PAH: variants seen among roughly 807,000 people sequenced by gnomAD.
PAH encodes the protein phenylalanine hydroxylase.
A neutral mutation model predicts 62.0 loss-of-function variants in PAH; 64 were observed. The observed-to-expected ratio is 1.03, with a 90% confidence interval of 0.84 to 1.27. PAH has a LOEUF of 1.27. PAH is among the 50% of genes most tolerant of loss of function. The pLI, the probability that PAH is intolerant of heterozygous loss-of-function variation, is 0.00. For synonymous variants in PAH, 195 were observed against 196.2 expected (o/e 0.99, Z 0.05); for missense variants, 579 against 542.8 (o/e 1.07, Z -0.66).
chr12:102,937,945 A>T (rs1285207728), intron 1 of PAH, among the ~76,000 whole-genome samples: 1 of 152,128 alleles, frequency 6.6e-6, no homozygotes, highest in Non-Finnish European at 1.5e-5. Context: ...TGGATATACT[A>T]CTCTAGGATA....
intron 4 of PAH, among the ~76,000 whole-genome samples, chr12:102,876,380 TCA>T (rs1876565156): frequency 6.6e-6 from 1 of 152,220 alleles, no homozygotes; most frequent in Non-Finnish European, 1.5e-5. Context: ...CTCTCAGGAC[TCA>T]CAGTTTAGCA....
At chr12:102,841,490 C>T (rs1344582556) in intron 11 of PAH, among the ~76,000 whole-genome samples, 1 of 152,096 alleles carries the variant, frequency 6.6e-6, no homozygotes, top group East Asian at 1.9e-4. Flanking sequence ...ACCATGGGCA[C>T]AGGGGACCAC....
chr12:102,871,861 G>T (rs1019604947), intron 4 of PAH, among the ~76,000 whole-genome samples: 4 of 149,482 alleles, frequency 2.7e-5, no homozygotes, highest in Non-Finnish European at 4.4e-5. Flanking sequence ...GGCAGAGGTT[G>T]CAGTGAGCTG....
intron 3 of PAH, among the ~76,000 whole-genome samples, chr12:102,893,973 T>C (rs1391805053): frequency 6.6e-6 from 1 of 152,142 alleles, no homozygotes; most frequent in Non-Finnish European, 1.5e-5. Flanking sequence ...GATAAGAAGA[T>C]GGAAAATGAC....
intron 2 of PAH, among the ~76,000 whole-genome samples, chr12:102,910,387 TG>T (rs377282976): frequency 0.059 from 8,758 of 149,336 alleles, 295 homozygotes; most frequent in Admixed American, 0.11. Context: ...TTTTTTTTTT[TG>T]GGGAGGGAGT....
intron 3 of PAH, among the ~76,000 whole-genome samples, chr12:102,883,493 G>A (rs927568856): frequency 6.6e-6 from 1 of 152,120 alleles, no homozygotes; most frequent in Non-Finnish European, 1.5e-5. Context: ...CAGCCCTCTT[G>A]GTAGGAGAAA....
At chr12:102,847,234 G>A in intron 8 of PAH, 9 of 464,064 alleles carry the variant, frequency 1.9e-5, no homozygotes, top group South Asian at 1.8e-4. Context: ...TCACAGGGTC[G>A]GTTAGTATCT....
chr12:102,846,779 C>T, intron 9 of PAH, 116 bp downstream of exon 9: 2 of 809,394 alleles, frequency 2.5e-6, no homozygotes, highest in South Asian at 2.8e-5. Flanking sequence ...TAACCCACCA[C>T]ATTCTGATTT....
intron 8 of PAH, 47 bp downstream of exon 8, chr12:102,851,640 T>G (rs2136644734): frequency 6.0e-6 from 9 of 1,510,350 alleles, no homozygotes; most frequent in Non-Finnish European, 8.3e-6. Flanking sequence ...TTTGAGAAAT[T>G]CAGGTCACAG....
chr12:102,898,871 A>T (rs954268401), intron 2 of PAH, among the ~76,000 whole-genome samples: 1 of 152,144 alleles, frequency 6.6e-6, no homozygotes, highest in Non-Finnish European at 1.5e-5. Flanking sequence ...AATAATTAAA[A>T]CCTCTGGGTG....
rs760782775 is a variant in PAH, at chr12:102,894,873, A to C, written c.214T>G (p.Leu72Val). 7 of 1,613,954 alleles carry C rather than the reference A, an allele frequency of 4.3e-6. No individual in the cohort carries two copies. The Admixed American group carries it at 1.2e-4, about 27-fold the overall frequency. ...AAAAATTCATACTCATCTTTCTTTA[A>C]ACGAGAAGGTCTAGATTCAATGTGG... ...LTHIESRPSR[L>V]KKDEYEFFTH... The change falls in exon 3 of 13, where the codon TTA (leucine) becomes GTA (valine). Residue 72 changes from leucine to valine, a missense_variant. By Grantham distance (32) the Leu-to-Val change is conservative. Coordinates refer to ENST00000553106, the MANE Select transcript of PAH (RefSeq NM_000277.3).
intron 3 of PAH, among the ~76,000 whole-genome samples, chr12:102,884,263 C>T (rs958708900): frequency 1.3e-5 from 2 of 152,332 alleles, no homozygotes; most frequent in South Asian, 4.1e-4. Context: ...CAGGGAGAGG[C>T]ACCTGGGTGC....
intron 3 of PAH, among the ~76,000 whole-genome samples, chr12:102,889,456 AGATGATT>A (rs1877183403): frequency 6.7e-6 from 1 of 148,938 alleles, no homozygotes; most frequent in Non-Finnish European, 1.5e-5. Flanking sequence ...GATAGATGAT[AGATGATT>A]GATGGACAGA....
intron 12 of PAH, 40 bp downstream of exon 12, chr12:102,840,360 C>T (rs1376525154): frequency 1.7e-6 from 2 of 1,192,368 alleles, no homozygotes; most frequent in East Asian, 4.7e-5. Flanking sequence ...TCTTCGATTA[C>T]TGAGAAACCG....
intron 1 of PAH, chr12:102,914,467 T>C (rs1592989701): frequency 6.6e-6 from 1 of 152,508 alleles, no homozygotes; most frequent in East Asian, 1.9e-4. Flanking sequence ...AGTTACACAG[T>C]TAGCAGTGGA....
chr12:102,875,298 C>G (rs1050584194), intron 4 of PAH, among the ~76,000 whole-genome samples: 2 of 152,122 alleles, frequency 1.3e-5, no homozygotes, highest in Non-Finnish European at 2.9e-5. Context: ...TTGGAGGGGA[C>G]TTGAGGATAC....
At chr12:102,911,359 G>A (rs1481195720) in intron 2 of PAH, among the ~76,000 whole-genome samples, 4 of 152,136 alleles carry the variant, frequency 2.6e-5, no homozygotes, top group African/African-American at 7.2e-5. Flanking sequence ...TATGAAGCCC[G>A]TTCTGTCTGG....
chr12:102,865,501 A>G (rs10778202), intron 5 of PAH, among the ~76,000 whole-genome samples: 30,490 of 152,126 alleles, frequency 0.2, 4,474 homozygotes, highest in East Asian at 0.76. Context: ...AAGCCCCCAG[A>G]CACACAGCAA....
chr12:102,928,503 A>C (rs1019801204), intron 1 of PAH, among the ~76,000 whole-genome samples: 12 of 152,030 alleles, frequency 7.9e-5, no homozygotes, highest in African/African-American at 2.7e-4. Flanking sequence ...AAGGGAAGCA[A>C]AATGTTTAGT....
Sources: allele counts gnomAD v4.1 joint callset (sites outside exome capture counted in the v4.1 genomes callset), GRCh38; gene constraint gnomAD v4.1.1; transcripts MANE v1.5; gene names NCBI Gene and HGNC (gene_info 2026-07-23, HGNC 2026-07-21).